The following WARS1 variants were observed in gnomAD, a reference collection of about 807,000 sequenced individuals.
The protein encoded by WARS1 is tryptophanyl-tRNA synthetase 1.
A neutral mutation model predicts 47.8 loss-of-function variants in WARS1; 17 were observed. That is an observed-to-expected ratio of 0.36 (90% CI 0.24 to 0.53). The LOEUF (loss-of-function observed/expected upper bound fraction) is 0.53. WARS1 is among the 20% of genes least tolerant of loss of function. The pLI, the probability that WARS1 is intolerant of heterozygous loss-of-function variation, is 0.91. For synonymous variants in WARS1, 208 were observed against 228.1 expected (o/e 0.91, Z 0.79); for missense variants, 434 against 608.0 (o/e 0.71, Z 3.01).
rs3825556 is a variant in WARS1, at chr14:100,361,721, G to A, written c.300C>T (p.Tyr100=). 109 of 1,614,126 alleles carry A rather than the reference G, an allele frequency of 6.8e-5. 2 individuals carry two copies. In the East Asian group the frequency reaches 2.0e-3, roughly 29 times the overall value. ...VQTSSAKGID[Y]DKLIVRFGSS... is the part of the protein sequence containing the mutation. The stretch of plus-strand genomic sequence containing the variant: ...CAGAGGACGTACCAATGAGCTTATC[G>A]TAGTCTATGCCTTTTGCACTGCTTG... Residue 100 remains tyrosine, a synonymous_variant, in exon 3 of 11, where the codon TAC becomes TAT. Coordinates refer to ENST00000392882, the MANE Select transcript of WARS1 (RefSeq NM_004184.4).
chr14:100,366,109 G>A (rs1425869449), intron 2 of WARS1: 4 of 455,894 alleles, frequency 8.8e-6, no homozygotes, highest in Non-Finnish European at 1.8e-5. Flanking sequence ...CAGAGTTACA[G>A]GTGCCTAGAC....
chr14:100,345,271 C>A (rs574082632), intron 7 of WARS1, among the ~76,000 whole-genome samples: 2 of 151,940 alleles, frequency 1.3e-5, no homozygotes, highest in African/African-American at 4.8e-5. Context: ...CGGATGGTTG[C>A]CGTGTCTGTG....
At position 100,373,591 on chromosome 14, in the gene WARS1, A is replaced by T. The variant is rs948055802; in HGVS notation, c.-74+1692T>A. ...CCAGGTAGAATGCCTGAGTGATCCC[A>T]GGACAGCCAATCTCCCACTGCAATA... On this transcript the variant is annotated intron_variant, in intron 1 of 10. Coordinates refer to ENST00000392882, the MANE Select transcript of WARS1 (RefSeq NM_004184.4). This position sits in a 1 kb window ranked among gnomAD's most constrained non-coding sequence, Gnocchi z 4.4. 4.6e-5 allele frequency among the ~76,000 whole-genome samples: 7 copies of T among 152,256 alleles called. No homozygotes were observed. The highest frequency in any genetic ancestry group is 1.3e-4 in the Admixed American group (2 of 15,288).
chr14:100,374,557 A>G (rs958345339), intron 1 of WARS1, among the ~76,000 whole-genome samples: 1 of 152,226 alleles, frequency 6.6e-6, no homozygotes, highest in Non-Finnish European at 1.5e-5. Flanking sequence ...GAATTGTTTA[A>G]CAGAACAACA....
chr14:100,350,935 G>A (rs1343365478), intron 6 of WARS1, among the ~76,000 whole-genome samples: 1 of 152,146 alleles, frequency 6.6e-6, no homozygotes, highest in Non-Finnish European at 1.5e-5. Flanking sequence ...AGCTGGGGGT[G>A]GCAGGGTCAG....
chr14:100,340,131 G>T (rs946576146), intron 9 of WARS1: 1 of 152,366 alleles, frequency 6.6e-6, no homozygotes. Flanking sequence ...GCAGGACCAG[G>T]CTGGCTCCTG....
chr14:100,360,551 G>C lies in WARS1; in HGVS notation c.422+3C>G. On this transcript the variant is annotated splice_donor_region_variant and intron_variant, in intron 4 of 10. Transcript: ENST00000392882. The stretch of plus-strand genomic sequence containing the variant: ...AGAAGGCCTGTGGTGAAGAGCCCCT[G>C]ACCTGTGTGAGAAGAAGATGCCTCT... The C allele has an allele frequency of 6.2e-7, 1 of 1,610,740 alleles. No homozygotes were observed. Among genetic ancestry groups the C allele is most frequent in the Non-Finnish European group, 8.5e-7 (1 of 1,177,456 alleles).
intron 2 of WARS1, 52 bp downstream of exon 2, chr14:100,369,035 C>T (rs1595462177): frequency 1.5e-6 from 2 of 1,375,040 alleles, no homozygotes; most frequent in African/African-American, 1.5e-5. Flanking sequence ...CACAACCCTA[C>T]AGACTTGGGA....
chr14:100,371,057 AT>A lies in WARS1; in HGVS notation c.-73-1800del, dbSNP rs1243453933. ...TCTAGAGCCTACACTTTCAACCATT[AT>A]CTTACAAATGACTTATCTTTATGAA... On this transcript the variant is annotated intron_variant, in intron 1 of 10. Coordinates refer to ENST00000392882, the MANE Select transcript of WARS1 (RefSeq NM_004184.4). Among the ~76,000 whole-genome samples, 6 of 152,398 alleles carry A rather than the reference AT, an allele frequency of 3.9e-5. No individual in the cohort carries two copies. In the East Asian group the frequency reaches 9.6e-4, roughly 24 times the overall value.
At position 100,334,863 on chromosome 14, in the gene WARS1, G is replaced by T. The variant is rs756709800; in HGVS notation, c.*12C>A. On this transcript the variant is annotated 3_prime_UTR_variant, in exon 11 of 11. Coordinates refer to ENST00000392882, the MANE Select transcript of WARS1 (RefSeq NM_004184.4). ...TACATCACTTCTTTTATAAGCATAT[G>T]TAAAACGAGTGCTACTGAAAGTCGA... The T allele has an allele frequency of 6.2e-7, 1 of 1,613,342 alleles. No homozygotes were observed.
At chr14:100,372,311 A>G (rs948502244) in intron 1 of WARS1, among the ~76,000 whole-genome samples, 1 of 152,222 alleles carries the variant, frequency 6.6e-6, no homozygotes, top group African/African-American at 2.4e-5. Context: ...GTCTCTCCAA[A>G]AAATTTTTAT....
At chr14:100,347,401 C>T (rs1284501409) in intron 6 of WARS1, among the ~76,000 whole-genome samples, 1 of 152,192 alleles carries the variant, frequency 6.6e-6, no homozygotes. Context: ...ACCCTATCCA[C>T]AGCAACAGGG....
At chr14:100,345,430 A>G (rs550337078) in intron 7 of WARS1, among the ~76,000 whole-genome samples, 5 of 152,126 alleles carry the variant, frequency 3.3e-5, no homozygotes, top group Non-Finnish European at 7.3e-5. Flanking sequence ...GGGCGGTGCA[A>G]GATGTGCTTT....
intron 9 of WARS1, among the ~76,000 whole-genome samples, chr14:100,339,440 A>T (rs530242230): frequency 7.9e-5 from 12 of 152,054 alleles, no homozygotes; most frequent in African/African-American, 2.9e-4. Flanking sequence ...AATACAAAAA[A>T]TTAGCTGGGT....
intron 6 of WARS1, among the ~76,000 whole-genome samples, chr14:100,349,278 A>G (rs767145579): frequency 3.8e-4 from 58 of 152,132 alleles, no homozygotes; most frequent in Admixed American, 1.8e-3. Context: ...TATTATCACC[A>G]TAGAACTTAT....
chr14:100,376,197 C>T (rs886564878), upstream of WARS1: 9 of 277,630 alleles, frequency 3.2e-5, no homozygotes, highest in Non-Finnish European at 5.8e-5. Context: ...GCCGCGCCAG[C>T]GTCCCTCCAT....
At chr14:100,336,229 T>C (rs1014128426) in intron 10 of WARS1, among the ~76,000 whole-genome samples, 9 of 147,738 alleles carry the variant, frequency 6.1e-5, no homozygotes, top group Non-Finnish European at 1.0e-4. Context: ...TGAGCCGAGA[T>C]TGCGCCACTG....
At position 100,334,943 on chromosome 14, in the gene WARS1, T is replaced by C. The variant is rs1893606098; in HGVS notation, c.1348A>G (p.Lys450Glu). The C allele has an allele frequency of 1.9e-6, 3 of 1,614,184 alleles. No individual in the cohort carries two copies. Among genetic ancestry groups the C allele is most frequent in the Middle Eastern group, 1.6e-4 (1 of 6,062 alleles). Residue 450 changes from lysine (K) to glutamate (E), a missense_variant, in exon 11 of 11, where the codon AAG becomes GAG. Physicochemically the swap from Lys to Glu is moderately conservative, Grantham distance 56. This residue lies in a region of WARS1 where 347 missense variants were observed against 523.8 expected (regional missense o/e 0.66). Transcript: ENST00000392882. Reference protein sequence around the residue: ...PLIAEHQARRKEVTDEIVKEF... With the variant: ...PLIAEHQARREEVTDEIVKEF... ...TTCACTATCTCATCCGTGACCTCCTTGCGCCGGGCCTGGTGCTCTGCGATC... is the reference window on the plus strand; with the variant it reads ...TTCACTATCTCATCCGTGACCTCCTCGCGCCGGGCCTGGTGCTCTGCGATC...
intron 2 of WARS1, among the ~76,000 whole-genome samples, chr14:100,367,078 G>A (rs1477906373): frequency 6.6e-6 from 1 of 152,008 alleles, no homozygotes; most frequent in Non-Finnish European, 1.5e-5. Context: ...AGAAAAGGGT[G>A]GTACTGTACC....
Sources: gnomAD v4.1 joint callset for allele counts (sites outside exome capture counted in the v4.1 genomes callset) on GRCh38, gnomAD v4.1.1 for gene constraint, gnomAD v4.1.1 regional missense constraint, Gnocchi (gnomAD v3.1) non-coding constraint, MANE v1.5 for transcripts, NCBI Gene and HGNC (gene_info 2026-07-23, HGNC 2026-07-21) for gene names.